Variants in GTF2A1 observed in about 807,000 individuals in gnomAD.
GTF2A1 encodes general transcription factor IIA subunit 1, also known as transcription initiation factor IIA subunit 1.
In GTF2A1, 12 loss-of-function variants were observed where a neutral mutation model predicts 54.1. The observed-to-expected ratio is 0.22, with a 90% CI of 0.14 to 0.36. The LOEUF is 0.36. Ranked by LOEUF, GTF2A1 falls within the 10% of genes least tolerant of loss-of-function variation. GTF2A1 has a pLI of 1.00. For synonymous variants in GTF2A1, 145 were observed against 152.0 expected, an observed-to-expected ratio of 0.95 and a Z score of 0.34; for missense variants, 335 against 442.2, an observed-to-expected ratio of 0.76 and a Z score of 2.17.
rs1470614914 is a variant in GTF2A1 at position 81,180,309 on chromosome 14, ATT to A, written c.1043_1044del (p.Lys348MetfsTer13). Reference sequence around the variant, plus strand: ...ATGCCATCCTTGAGATGAAATTTCCATTTGTTTTTACTTCTGTGTATCTAAAC... The same window carrying A: ...ATGCCATCCTTGAGATGAAATTTCCATGTTTTTACTTCTGTGTATCTAAAC... ...QYDKIHRSKN[K>X]WKFHLKDGIM... On this transcript the variant is annotated frameshift_variant, in exon 9 of 9. Coordinates refer to ENST00000553612, the MANE Select transcript of GTF2A1 (RefSeq NM_015859.4). LOFTEE classifies it high-confidence loss of function. 6.9e-7 allele frequency: 1 copy of A among 1,444,300 alleles called. No homozygotes were observed. Among genetic ancestry groups the A allele is most frequent in the Non-Finnish European group, 9.7e-7 (1 of 1,031,928 alleles). 89.5% of individuals were successfully genotyped at this position (1,444,300 alleles called of 1,614,324 possible).
intron 1 of GTF2A1, among the ~76,000 whole-genome samples, chr14:81,219,854 G>A (rs767220833): frequency 2.6e-5 from 4 of 152,180 alleles, no homozygotes; most frequent in Non-Finnish European, 5.9e-5. Flanking sequence ...GCGAAGATAC[G>A]ATGGGGGTCT....
chr14:81,200,894 A>C (rs987496029), intron 4 of GTF2A1, among the ~76,000 whole-genome samples: 14 of 151,456 alleles, frequency 9.2e-5, no homozygotes, highest in African/African-American at 2.4e-4. Flanking sequence ...CCAAAAAAAA[A>C]AAAAAAACAA....
chr14:81,196,433 T>C (rs1595216789), intron 5 of GTF2A1, among the ~76,000 whole-genome samples, 192 bp from the exon 6 acceptor site: 1 of 152,232 alleles, frequency 6.6e-6, no homozygotes, highest in East Asian at 1.9e-4. Flanking sequence ...CATGTTCAAA[T>C]ACATTCCTTA....
intron 2 of GTF2A1, among the ~76,000 whole-genome samples, chr14:81,206,907 G>A (rs1893243743): frequency 6.6e-6 from 1 of 151,872 alleles, no homozygotes; most frequent in Non-Finnish European, 1.5e-5. Context: ...GTACTACACT[G>A]AGAAAAAACT....
intron 2 of GTF2A1, among the ~76,000 whole-genome samples, chr14:81,207,417 T>C (rs1893262684): frequency 6.6e-6 from 1 of 152,214 alleles, no homozygotes. Context: ...GCCATGATTT[T>C]GAGGCCTCCC....
intron 6 of GTF2A1, among the ~76,000 whole-genome samples, chr14:81,195,235 T>TGACAAATCATG (rs1030303581): frequency 6.7e-6 from 1 of 149,096 alleles, no homozygotes; most frequent in Non-Finnish European, 1.5e-5. Context: ...AGCATTTTAG[T>TGACAAATCATG]GACAAATCAT....
intron 2 of GTF2A1, among the ~76,000 whole-genome samples, chr14:81,209,555 ACT>A (rs1893316637): frequency 6.6e-6 from 1 of 152,032 alleles, no homozygotes; most frequent in African/African-American, 2.4e-5. Flanking sequence ...ATCGAGCCAG[ACT>A]CTCTGGAAAA....
intron 7 of GTF2A1, among the ~76,000 whole-genome samples, chr14:81,189,240 G>T (rs1230372736): frequency 1.3e-5 from 2 of 151,982 alleles, no homozygotes; most frequent in African/African-American, 2.4e-5. Context: ...AACTCACTGA[G>T]AAAAAACAAT....
rs759939 is a variant in GTF2A1, at chr14:81,197,109, G to C, written c.478+300C>G. The C allele has an allele frequency of 0.42, 86,062 of 202,970 alleles. 20,566 individuals carry two copies. The highest frequency in any genetic ancestry group is 0.56 in the Middle Eastern group (302 of 536). 12.6% of individuals were successfully genotyped at this position (202,970 alleles called of 1,614,324 possible). On this transcript the variant is annotated intron_variant, in intron 5 of 8. Coordinates refer to ENST00000553612, the MANE Select transcript of GTF2A1 (RefSeq NM_015859.4). ...TTCAAAGAAGTTTAATACTCACTTG[G>C]CATGTTAAATGTGTTCAGTAAAAAA...
chr14:81,187,571 T>C (rs1892777756), intron 7 of GTF2A1, among the ~76,000 whole-genome samples: 1 of 152,196 alleles, frequency 6.6e-6, no homozygotes, highest in Non-Finnish European at 1.5e-5. Flanking sequence ...TCTGTATGGA[T>C]TTGCCTATTC....
chr14:81,205,768 C>A (rs1344599322), intron 2 of GTF2A1, among the ~76,000 whole-genome samples: 1 of 152,178 alleles, frequency 6.6e-6, no homozygotes, highest in Non-Finnish European at 1.5e-5. Flanking sequence ...TAATCCCAGG[C>A]GAAAGACAGC....
At chr14:81,208,788 T>C (rs951962211) in intron 2 of GTF2A1, among the ~76,000 whole-genome samples, 1 of 152,230 alleles carries the variant, frequency 6.6e-6, no homozygotes, top group African/African-American at 2.4e-5. Flanking sequence ...GAGATCACTT[T>C]GGAGTTTTAA....
intron 2 of GTF2A1, chr14:81,209,859 T>C: frequency 1.7e-6 from 2 of 1,193,346 alleles, no homozygotes; most frequent in Non-Finnish European, 2.2e-6. Flanking sequence ...ACATTTCTAT[T>C]TTGTACTTAC....
chr14:81,206,642 C>T (rs1198239804), intron 2 of GTF2A1, among the ~76,000 whole-genome samples: 2 of 152,184 alleles, frequency 1.3e-5, no homozygotes, highest in Non-Finnish European at 2.9e-5. Context: ...GGGGGTTATT[C>T]AGGTTATTCT....
chr14:81,206,370 T>C (rs765931649), intron 2 of GTF2A1, among the ~76,000 whole-genome samples: 36 of 152,140 alleles, frequency 2.4e-4, no homozygotes, highest in African/African-American at 8.4e-4. Context: ...AGTAGTAATG[T>C]AGTGACTCAA....
In GTF2A1 at chr14:81,203,982, G is replaced by C; in HGVS notation, c.255C>G (p.His85Gln). Residue 85 changes from histidine to glutamine, a missense_variant, in exon 3 of 9, where the codon CAC (histidine) becomes CAG (glutamine). Physicochemically the swap from His to Gln is conservative, Grantham distance 24. Transcript: ENST00000553612. ...GCTGAGGCTGAGCTTGCTGATGATG[G>C]TGATGGTGGTGATGCTGCTGCTGCT... ...QPQQQQHHHH[H>Q]HHQQAQPQQT... 1 of 1,613,958 alleles carries C rather than the reference G, an allele frequency of 6.2e-7. No individual in the cohort carries two copies. The highest frequency in any genetic ancestry group is 8.5e-7 in the Non-Finnish European group (1 of 1,179,904).
chr14:81,210,755 G>A (rs570621928), intron 2 of GTF2A1, among the ~76,000 whole-genome samples: 47 of 151,988 alleles, frequency 3.1e-4, no homozygotes, highest in Admixed American at 1.0e-3. Flanking sequence ...GGGTTTCACC[G>A]TGTTGGCCAG....
At chr14:81,207,515 T>C (rs1398425038) in intron 2 of GTF2A1, among the ~76,000 whole-genome samples, 1 of 151,900 alleles carries the variant, frequency 6.6e-6, no homozygotes. Flanking sequence ...AACAAACTAA[T>C]ATAGTAAACT....
At chr14:81,212,291 T>C (rs1893388817) in intron 2 of GTF2A1, among the ~76,000 whole-genome samples, 1 of 152,226 alleles carries the variant, frequency 6.6e-6, no homozygotes, top group Non-Finnish European at 1.5e-5. Flanking sequence ...GTTGATTTTA[T>C]CATTCACTTT....
Sources: allele counts gnomAD v4.1 joint callset (sites outside exome capture counted in the v4.1 genomes callset), GRCh38; gene constraint gnomAD v4.1.1; transcripts MANE v1.5; gene names NCBI Gene and HGNC (gene_info 2026-07-23, HGNC 2026-07-21).